TET3: variants seen among roughly 807,000 people sequenced by gnomAD.
The protein encoded by TET3 is methylcytosine dioxygenase TET3.
TET3 carries 19 observed loss-of-function variants against 141.4 expected under a neutral mutation model. The ratio of observed to expected loss-of-function variants is 0.13; its 90% CI spans 0.09 to 0.20. The LOEUF (loss-of-function observed/expected upper bound fraction) is 0.20, where lower values mean the gene tolerates loss of function less well. TET3 is among the 10% of genes least tolerant of loss of function. The pLI, the probability that TET3 is intolerant of heterozygous loss-of-function variation, is 1.00. For missense variants in TET3, 1,874 were observed against 2,356.9 expected, an observed-to-expected ratio of 0.80 and a Z score of 4.24; for synonymous variants, 1,043 against 980.9, an observed-to-expected ratio of 1.06 and a Z score of -1.18.
In TET3 at chr2:74,020,911, A is replaced by G. The variant is rs182297410; in HGVS notation, c.360+17745A>G. Among the ~76,000 whole-genome samples the G allele has an allele frequency of 3.3e-3, 497 of 152,082 alleles. 2 individuals carry two copies. Among genetic ancestry groups the G allele is most frequent in the African/African-American group, 0.012 (484 of 41,470 alleles). On this transcript the variant is annotated intron_variant, in intron 3 of 11. Transcript: ENST00000409262. The stretch of plus-strand genomic sequence containing the variant: ...TGACCGCAGCAGTAAGCTGTTCCTC[A>G]TTTATCCCGTGGTCTGTGCTCACCC...
intron 2 of TET3, among the ~76,000 whole-genome samples, chr2:73,990,061 A>G (rs886781185): frequency 6.6e-6 from 1 of 152,152 alleles, no homozygotes; most frequent in Non-Finnish European, 1.5e-5. Context: ...ATGAATCTTT[A>G]TGCATAAACA....
chr2:74,100,488 A>G lies in TET3; in HGVS notation c.3700A>G (p.Asn1234Asp). 1 of 1,600,232 alleles carries G rather than the reference A, an allele frequency of 6.2e-7. No individual in the cohort carries two copies. Among genetic ancestry groups the G allele is most frequent in the Non-Finnish European group, 8.5e-7 (1 of 1,173,582 alleles). The change falls in exon 12 of 12, where the codon AAC (asparagine) becomes GAC (aspartate). Residue 1234 changes from asparagine to aspartate, a missense_variant. By Grantham distance (23) the Asn-to-Asp change is conservative. Around this residue, in one of 10 missense-constraint regions of TET3, gnomAD observed 602 missense variants for 590.2 expected, o/e 1.02. Transcript: ENST00000409262. ...CTTCAGCTCCTTCAAGTACAGCGGC[A>G]ACGCGGTGGTGGAGAGCTACTCGGT... ...NHFSSFKYSG[N>D]AVVESYSVLG...
chr2:74,120,729 TTCA>T, the TET3 span: 1 of 152,310 alleles, frequency 6.6e-6, no homozygotes, highest in Admixed American at 6.5e-5. Flanking sequence ...TCTTGAGAAA[TTCA>T]TCATATCTGC....
At chr2:73,992,878 GT>G (rs1684405812) in intron 2 of TET3, among the ~76,000 whole-genome samples, 1 of 152,226 alleles carries the variant, frequency 6.6e-6, no homozygotes, top group Non-Finnish European at 1.5e-5. Context: ...GAGGGTGCTT[GT>G]GGTTCTTTTC....
chr2:73,990,421 A>G (rs919008358), intron 2 of TET3, among the ~76,000 whole-genome samples: 4 of 152,222 alleles, frequency 2.6e-5, no homozygotes, highest in Non-Finnish European at 5.9e-5. Context: ...ACCGTGGGGC[A>G]GAACAGTAGA....
chr2:74,005,162 G>C (rs1024677063), intron 3 of TET3, among the ~76,000 whole-genome samples: 7 of 152,148 alleles, frequency 4.6e-5, no homozygotes, highest in African/African-American at 1.7e-4. Context: ...CTGCCTGCTG[G>C]CCCCAGATAG....
Position 74,101,267 on chromosome 2 carries a change from C to T in TET3, c.4479C>T (p.Phe1493=). The T allele has an allele frequency of 6.2e-7, 1 of 1,612,532 alleles. No homozygotes were observed. Among genetic ancestry groups the T allele is most frequent in the East Asian group, 2.2e-5 (1 of 44,844 alleles). The part of the protein sequence containing the change: ...SHFTDGQWGL[F]PGEGQQAASH... ...TCACAGATGGCCAGTGGGGGCTGTTCCCCGGTGAGGGGCAGCAGGCAGCTT... is the reference window on the plus strand; with the variant it reads ...TCACAGATGGCCAGTGGGGGCTGTTTCCCGGTGAGGGGCAGCAGGCAGCTT... The change falls in exon 12 of 12, where the codon TTC becomes TTT. Residue 1493 remains phenylalanine, a synonymous_variant. Coordinates refer to ENST00000409262, the MANE Select transcript of TET3 (RefSeq NM_001287491.2). This position sits in a 1 kb window ranked among gnomAD's most constrained non-coding sequence, Gnocchi z 8.5.
intron 3 of TET3, among the ~76,000 whole-genome samples, chr2:74,035,998 C>G (rs913063963): frequency 2.6e-5 from 4 of 152,196 alleles, no homozygotes; most frequent in Non-Finnish European, 1.5e-5. Flanking sequence ...GCCTGGGCGA[C>G]AGAGTGAGAC....
intron 4 of TET3, among the ~76,000 whole-genome samples, chr2:74,063,906 AAAAT>A (rs913266413): frequency 5.3e-5 from 8 of 151,950 alleles, no homozygotes; most frequent in African/African-American, 1.9e-4. Context: ...AAAAAAAAAA[AAAAT>A]AAGTAAAATA....
At chr2:74,063,910 T>C (rs865854504) in intron 4 of TET3, among the ~76,000 whole-genome samples, 1 of 119,588 alleles carries the variant, frequency 8.4e-6, no homozygotes, top group Admixed American at 8.0e-5. Flanking sequence ...AAAAAAAAAA[T>C]AAGTAAAATA....
Position 74,047,807 on chromosome 2 carries a change from A to G in TET3, c.1890A>G (p.Glu630=). The change falls in exon 4 of 12, where the codon GAA becomes GAG. Residue 630 remains glutamate (E), a synonymous_variant. Coordinates refer to ENST00000409262, the MANE Select transcript of TET3 (RefSeq NM_001287491.2). ...CACCTGTCCGACAGATTGTCCTGGA[A>G]GGGCTTAGGTCCCCAGCCTCCCAGG... The part of the protein sequence containing the change: ...LFPPVRQIVL[E]GLRSPASQEV... 5.6e-6 allele frequency: 9 copies of G among 1,613,482 alleles called. No homozygotes were observed. Among genetic ancestry groups the G allele is most frequent in the Non-Finnish European group, 7.6e-6 (9 of 1,179,688 alleles).
chr2:73,991,837 C>T (rs1199430882), intron 2 of TET3, among the ~76,000 whole-genome samples: 3 of 141,738 alleles, frequency 2.1e-5, no homozygotes, highest in Non-Finnish European at 3.0e-5. Flanking sequence ...AAGAAGGAAA[C>T]GCTGATAGAA....
chr2:74,027,479 T>C (rs1354617763), intron 3 of TET3, among the ~76,000 whole-genome samples: 5 of 152,130 alleles, frequency 3.3e-5, no homozygotes, highest in African/African-American at 1.2e-4. Flanking sequence ...AAAATTTTTA[T>C]CCATCCCTAA....
At chr2:74,016,243 T>C (rs1205824557) in intron 3 of TET3, among the ~76,000 whole-genome samples, 1 of 151,252 alleles carries the variant, frequency 6.6e-6, no homozygotes, top group African/African-American at 2.4e-5. Context: ...TTGGACACTA[T>C]AGTGTGCTAC....
chr2:74,034,657 A>G (rs1230737115), intron 3 of TET3, among the ~76,000 whole-genome samples: 1 of 151,336 alleles, frequency 6.6e-6, no homozygotes, highest in Non-Finnish European at 1.5e-5. Flanking sequence ...ACTGCTCTAT[A>G]ATATTCCATT....
intron 4 of TET3, among the ~76,000 whole-genome samples, chr2:74,069,619 CTG>C (rs1262449217): frequency 6.6e-6 from 1 of 151,274 alleles, no homozygotes; most frequent in Non-Finnish European, 1.5e-5. Flanking sequence ...CAGGGTCTTG[CTG>C]TGTCACCCAG....
At chr2:74,011,526 T>C (rs1685433498) in intron 3 of TET3, among the ~76,000 whole-genome samples, 1 of 152,238 alleles carries the variant, frequency 6.6e-6, no homozygotes, top group African/African-American at 2.4e-5. Context: ...CTCCTGAAAC[T>C]GAGTGGGTTC....
intron 2 of TET3, among the ~76,000 whole-genome samples, chr2:73,995,132 G>T (rs900644081): frequency 3.9e-5 from 6 of 152,016 alleles, no homozygotes; most frequent in Non-Finnish European, 7.4e-5. Context: ...GCTAATTTTT[G>T]TATTTTTAGT....
chr2:74,058,197 G>T (rs1344896711), intron 4 of TET3, among the ~76,000 whole-genome samples: 1 of 152,188 alleles, frequency 6.6e-6, no homozygotes, highest in Non-Finnish European at 1.5e-5. Context: ...TGAGGAAGAG[G>T]CATGGTCTTG....
Sources: allele counts gnomAD v4.1 joint callset (sites outside exome capture counted in the v4.1 genomes callset), GRCh38; gene constraint gnomAD v4.1.1; regional missense constraint gnomAD v4.1.1; non-coding constraint Gnocchi (gnomAD v3.1); transcripts MANE v1.5; gene names NCBI Gene and HGNC (gene_info 2026-07-23, HGNC 2026-07-21).